The following UGT1A7 variants were observed in gnomAD, a reference collection of about 807,000 sequenced individuals.
UGT1A7 encodes UDP glucuronosyltransferase family 1 member A7, also known as UDP-glucuronosyltransferase 1A7.
A neutral mutation model predicts 45.6 loss-of-function variants in UGT1A7; 33 were observed. That is an observed-to-expected ratio of 0.72 (90% confidence interval 0.55 to 0.97). UGT1A7 has a LOEUF of 0.97. Ranked by LOEUF, UGT1A7 falls within the 50% of genes least tolerant of loss-of-function variation. The pLI is 0.00. For missense variants in UGT1A7, 684 were observed against 666.2 expected, an observed-to-expected ratio of 1.03 and a Z score of -0.29; for synonymous variants, 274 against 250.6, an observed-to-expected ratio of 1.09 and a Z score of -0.88.
chr2:233,682,740 A>G lies in UGT1A7; in HGVS notation c.803A>G (p.Asn268Ser), dbSNP rs369092989. Residue 268 changes from asparagine to serine, a missense_variant, in exon 1 of 5, where the codon AAT (asparagine) becomes AGT (serine). Asn to Ser is a conservative substitution (Grantham distance 46). Transcript: ENST00000373426. ...VLEYPKPVMP[N>S]MIFIGGINCH... Reference sequence around the variant, plus strand: ...GAGTATCCCAAACCCGTGATGCCCAATATGATCTTCATTGGTGGTATCAAC... The same window carrying G: ...GAGTATCCCAAACCCGTGATGCCCAGTATGATCTTCATTGGTGGTATCAAC... 12 of 1,613,838 alleles carry G rather than the reference A, an allele frequency of 7.4e-6. No individual in the cohort carries two copies. The highest frequency in any genetic ancestry group is 1.6e-4 in the Middle Eastern group (1 of 6,074).
intron 1 of UGT1A7, among the ~76,000 whole-genome samples, chr2:233,749,110 T>C (rs1417029157): frequency 1.3e-5 from 2 of 151,818 alleles, no homozygotes; most frequent in African/African-American, 4.9e-5. Flanking sequence ...AATTCAGCCT[T>C]TTTATGTCAT....
At chr2:233,690,540 C>G (rs1233166297) in intron 1 of UGT1A7, 1 of 1,289,760 alleles carries the variant, frequency 7.8e-7, no homozygotes, top group East Asian at 5.6e-5. Flanking sequence ...TTTCACCCCA[C>G]TGGAATATGT....
At chr2:233,688,330 G>A (rs2074887985) in intron 1 of UGT1A7, among the ~76,000 whole-genome samples, 2 of 152,288 alleles carry the variant, frequency 1.3e-5, no homozygotes, top group African/African-American at 2.4e-5. Flanking sequence ...CATTTGGGTT[G>A]TTTCCCATTT....
chr2:233,768,630 A>T (rs1213250960), intron 4 of UGT1A7, among the ~76,000 whole-genome samples, 191 bp downstream of exon 4: 3 of 121,000 alleles, frequency 2.5e-5, no homozygotes, highest in African/African-American at 9.7e-5. Flanking sequence ...TCTGTCACCT[A>T]GGCTGGAGTG....
At chr2:233,724,280 G>GT (rs2077205183) in intron 1 of UGT1A7, among the ~76,000 whole-genome samples, 4 of 139,636 alleles carry the variant, frequency 2.9e-5, no homozygotes, top group Admixed American at 7.0e-5. Context: ...GGCTGGCCGG[G>GT]CGGGGGGCTG....
intron 1 of UGT1A7, chr2:233,691,559 G>A: frequency 2.0e-6 from 2 of 985,630 alleles, no homozygotes; most frequent in Non-Finnish European, 2.4e-6. Flanking sequence ...GTAATTCAAG[G>A]TACCACCTCT....
chr2:233,746,462 G>C (rs1030213757), intron 1 of UGT1A7, among the ~76,000 whole-genome samples: 10 of 151,612 alleles, frequency 6.6e-5, no homozygotes, highest in Admixed American at 3.9e-4. Context: ...CCTTCAAAAG[G>C]GTTCCAGAAA....
At chr2:233,713,653 C>T in intron 1 of UGT1A7, 2 of 1,613,962 alleles carry the variant, frequency 1.2e-6, no homozygotes, top group Non-Finnish European at 1.7e-6. Context: ...CTGGCCCTGT[C>T]CTACCTTTGC....
At chr2:233,747,791 T>C in intron 1 of UGT1A7, 7 of 1,613,564 alleles carry the variant, frequency 4.3e-6, no homozygotes, top group Non-Finnish European at 5.9e-6. Context: ...CTTCCTCCTA[T>C]ATTCCTAAGT....
At chr2:233,729,039 C>T (rs2077779281) in intron 1 of UGT1A7, 1 of 1,604,830 alleles carries the variant, frequency 6.2e-7, no homozygotes, top group Non-Finnish European at 8.5e-7. Context: ...TGCTAAGTGG[C>T]TCAGTGACAA....
chr2:233,709,104 A>G (rs28898589), intron 1 of UGT1A7, among the ~76,000 whole-genome samples: 3,803 of 152,176 alleles, frequency 0.025, 69 homozygotes, highest in South Asian at 0.043. Context: ...TCACATGCCC[A>G]TCTCTGAACT....
At chr2:233,764,328 G>A (rs35377848) in intron 1 of UGT1A7, among the ~76,000 whole-genome samples, 4 of 152,284 alleles carry the variant, frequency 2.6e-5, no homozygotes, top group East Asian at 3.9e-4. Flanking sequence ...TTGCCAAGTA[G>A]GGGATGGACT....
chr2:233,685,060 G>T (rs13002774), intron 1 of UGT1A7, among the ~76,000 whole-genome samples: 1 of 151,894 alleles, frequency 6.6e-6, no homozygotes, highest in Admixed American at 6.6e-5. Context: ...CTTAAGCTCT[G>T]CACAGGAGAT....
chr2:233,743,732 C>G (rs1474165671), intron 1 of UGT1A7: 4 of 1,367,408 alleles, frequency 2.9e-6, no homozygotes, highest in Non-Finnish European at 3.9e-6. Flanking sequence ...ATAGATATCG[C>G]GTTTCTTGGC....
At chr2:233,733,279 T>C (rs2078376954) in intron 1 of UGT1A7, among the ~76,000 whole-genome samples, 1 of 152,208 alleles carries the variant, frequency 6.6e-6, no homozygotes, top group Non-Finnish European at 1.5e-5. Flanking sequence ...CTTCCTCTTT[T>C]CCTAATTGAA....
At chr2:233,706,081 C>A (rs1426237626) in intron 1 of UGT1A7, among the ~76,000 whole-genome samples, 2 of 151,228 alleles carry the variant, frequency 1.3e-5, no homozygotes, top group Non-Finnish European at 2.9e-5. Flanking sequence ...GGTGACAGAG[C>A]TAGATTCTGT....
chr2:233,690,068 C>T (rs2074973510), intron 1 of UGT1A7, among the ~76,000 whole-genome samples: 1 of 152,216 alleles, frequency 6.6e-6, no homozygotes, highest in South Asian at 2.1e-4. Flanking sequence ...CCCCACCTCA[C>T]AGCCTATCAA....
chr2:233,729,144 G>C, intron 1 of UGT1A7: 1 of 1,613,472 alleles, frequency 6.2e-7, no homozygotes, highest in Non-Finnish European at 8.5e-7. Flanking sequence ...CAGGACTCCA[G>C]GTTCCCCTGC....
chr2:233,744,339 T>G (rs368123082), intron 1 of UGT1A7, among the ~76,000 whole-genome samples: 1 of 151,880 alleles, frequency 6.6e-6, no homozygotes, highest in African/African-American at 2.4e-5. Context: ...TTAGTCTGAC[T>G]GGGGCTGAAG....
Sources: allele counts gnomAD v4.1 joint callset (sites outside exome capture counted in the v4.1 genomes callset), GRCh38; gene constraint gnomAD v4.1.1; transcripts MANE v1.5; gene names NCBI Gene and HGNC (gene_info 2026-07-23, HGNC 2026-07-21).